The following ATP8A2 variants were observed in gnomAD, a reference collection of about 807,000 sequenced individuals.
The protein encoded by ATP8A2 is phospholipid-transporting ATPase IB.
Under a neutral mutation model 165.6 loss-of-function variants are expected in ATP8A2, and 100 were observed. The observed-to-expected ratio is 0.60, with a 90% CI of 0.51 to 0.71. The LOEUF (loss-of-function observed/expected upper bound fraction) is 0.71. Ranked by LOEUF, ATP8A2 falls within the 30% of genes least tolerant of loss-of-function variation. The pLI, the probability that ATP8A2 is intolerant of heterozygous loss-of-function variation, is 0.00. For missense variants in ATP8A2, 1,227 were observed against 1,479.5 expected (o/e 0.83, Z 2.80); for synonymous variants, 543 against 548.8 (o/e 0.99, Z 0.15).
At chr13:25,479,221 T>C (rs1566167200) in intron 2 of ATP8A2, among the ~76,000 whole-genome samples, 2 of 152,238 alleles carry the variant, frequency 1.3e-5, no homozygotes, top group Admixed American at 1.3e-4. Context: ...TTGTTAGTTA[T>C]TATCTGAAGA....
Position 26,022,840 on chromosome 13 carries a change from C to CA in ATP8A2, c.*2856dup, listed in dbSNP as rs1459919058. 2.0e-5 allele frequency: 3 copies of CA among 152,362 alleles called. No homozygotes were observed. The highest frequency in any genetic ancestry group is 7.2e-5 in the African/African-American group (3 of 41,442). 9.4% of individuals were successfully genotyped at this position (152,362 alleles called of 1,614,324 possible). The stretch of plus-strand genomic sequence containing the variant: ...AGACACTCACTGACTCACGGGCTGG[C>CA]AGGTCACGCTCGGTTAGCGCTCCAG... On this transcript the variant is annotated 3_prime_UTR_variant, in exon 37 of 37. Transcript: ENST00000381655.
chr13:25,570,653 C>T, intron 16 of ATP8A2, 114 bp from the exon 17 acceptor site: 1 of 816,494 alleles, frequency 1.2e-6, no homozygotes, highest in Non-Finnish European at 2.0e-6. Flanking sequence ...GACCTCTACC[C>T]TGTCCTACAG....
At chr13:25,912,005 C>G (rs1313531476) in intron 33 of ATP8A2, among the ~76,000 whole-genome samples, 1 of 152,186 alleles carries the variant, frequency 6.6e-6, no homozygotes, top group East Asian at 1.9e-4. Flanking sequence ...ATCCAACAAT[C>G]CCACTTCTGG....
chr13:25,542,496 A>T (rs967336813), intron 9 of ATP8A2, among the ~76,000 whole-genome samples: 1 of 150,662 alleles, frequency 6.6e-6, no homozygotes, highest in Non-Finnish European at 1.5e-5. Context: ...CCTCCTGTCT[A>T]TATTCTGTTA....
intron 25 of ATP8A2, among the ~76,000 whole-genome samples, chr13:25,735,593 T>C (rs982595156): frequency 2.7e-5 from 4 of 147,956 alleles, no homozygotes; most frequent in Non-Finnish European, 4.5e-5. Context: ...AAAAAAAAAC[T>C]GACAGCAGGA....
At chr13:25,388,293 C>T (rs1347964817) in intron 1 of ATP8A2, among the ~76,000 whole-genome samples, 2 of 152,140 alleles carry the variant, frequency 1.3e-5, no homozygotes, top group Non-Finnish European at 2.9e-5. Context: ...GTTCCCAGTT[C>T]CTGTGGTCAG....
chr13:25,884,739 A>G (rs764440646), intron 33 of ATP8A2, among the ~76,000 whole-genome samples: 1 of 152,178 alleles, frequency 6.6e-6, no homozygotes, highest in African/African-American at 2.4e-5. Flanking sequence ...ATTCGTGAGA[A>G]TGGGGCCCAA....
intron 33 of ATP8A2, among the ~76,000 whole-genome samples, chr13:25,864,575 G>T (rs956339637): frequency 2.6e-5 from 4 of 152,194 alleles, no homozygotes; most frequent in African/African-American, 9.7e-5. Context: ...TTAGTGAGTT[G>T]TTTCTACCAT....
chr13:25,571,689 A>C lies in ATP8A2; in HGVS notation c.1659A>C (p.Glu553Asp), dbSNP rs760405002. The C allele has an allele frequency of 6.2e-7, 1 of 1,613,606 alleles. No individual in the cohort carries two copies. Among genetic ancestry groups the C allele is most frequent in the African/African-American group, 1.3e-5 (1 of 74,938 alleles). Residue 553 changes from glutamate to aspartate, a missense_variant, in exon 18 of 37, where the codon GAA (glutamate) becomes GAC (aspartate). Around this residue, in one of 5 missense-constraint regions of ATP8A2, gnomAD observed 592 missense variants for 785.6 expected, o/e 0.75. Coordinates refer to ENST00000381655, the MANE Select transcript of ATP8A2 (RefSeq NM_016529.6). ...GAACACCATTCTCAGTCATCATAGA[A>C]GCGGTGAGTAACATGCGTGTGCACA... ...TARTPFSVII[E>D]AMGQEQTFGI...
At chr13:25,567,828 T>C (rs1422477020) in intron 16 of ATP8A2, among the ~76,000 whole-genome samples, 1 of 152,142 alleles carries the variant, frequency 6.6e-6, no homozygotes, top group African/African-American at 2.4e-5. Flanking sequence ...TATTTTTCTT[T>C]GGGGAGATGT....
chr13:25,376,025 G>T (rs2032613564), intron 1 of ATP8A2, among the ~76,000 whole-genome samples: 1 of 152,152 alleles, frequency 6.6e-6, no homozygotes, highest in African/African-American at 2.4e-5. Context: ...AGGAGAATCA[G>T]GGCAGCTGAA....
intron 35 of ATP8A2, among the ~76,000 whole-genome samples, chr13:25,978,820 G>C (rs772919179): frequency 1.3e-5 from 2 of 152,050 alleles, no homozygotes; most frequent in Admixed American, 1.3e-4. Context: ...GGCGCCTGTA[G>C]TCCCAGCTAC....
At chr13:25,720,353 G>A (rs1037191558) in intron 25 of ATP8A2, among the ~76,000 whole-genome samples, 5 of 151,452 alleles carry the variant, frequency 3.3e-5, no homozygotes, top group Admixed American at 1.3e-4. Context: ...TAGTAGAGAC[G>A]GGGTTTCACC....
At chr13:25,831,844 A>G (rs1951481717) in intron 28 of ATP8A2, among the ~76,000 whole-genome samples, 1 of 152,112 alleles carries the variant, frequency 6.6e-6, no homozygotes, top group African/African-American at 2.4e-5. Context: ...CTCTGTCTCA[A>G]AAACAACAAT....
intron 33 of ATP8A2, among the ~76,000 whole-genome samples, chr13:25,879,738 G>C (rs1031290885): frequency 6.6e-6 from 1 of 152,190 alleles, no homozygotes; most frequent in Non-Finnish European, 1.5e-5. Context: ...AGCCCCAAAT[G>C]TGTTTTAGGA....
Position 25,837,172 on chromosome 13 carries a change from G to T in ATP8A2, c.2764G>T (p.Ala922Ser). ...ATTGTTCTCCCTGCAGATTTTCACC[G>T]CTTTGCCGCCCTTCACTCTGGGAAT... ...CIGLYNVIFTALPPFTLGIFE... is the reference protein window; with the variant it reads ...CIGLYNVIFTSLPPFTLGIFE... Residue 922 changes from alanine (A) to serine (S), a missense_variant, in exon 29 of 37, where the codon GCT becomes TCT. Physicochemically the swap from Ala to Ser is moderately conservative, Grantham distance 99. This residue lies in a region of ATP8A2 where 592 missense variants were observed against 785.6 expected (regional missense o/e 0.75). Transcript: ENST00000381655. 6.2e-7 allele frequency: 1 copy of T among 1,613,604 alleles called. No homozygotes were observed. Among genetic ancestry groups the T allele is most frequent in the Non-Finnish European group, 8.5e-7 (1 of 1,179,792 alleles).
At chr13:25,671,441 C>T (rs890373765) in intron 24 of ATP8A2, among the ~76,000 whole-genome samples, 1 of 152,196 alleles carries the variant, frequency 6.6e-6, no homozygotes, top group Non-Finnish European at 1.5e-5. Flanking sequence ...CGGAACAGAG[C>T]CATATTTCTC....
intron 1 of ATP8A2, among the ~76,000 whole-genome samples, chr13:25,375,558 T>A (rs773474655): frequency 2.6e-5 from 4 of 151,356 alleles, no homozygotes; most frequent in Non-Finnish European, 4.4e-5. Context: ...ACAGACCAAG[T>A]GCAGAACCCA....
chr13:25,965,830 A>C (rs1476314989), intron 34 of ATP8A2, among the ~76,000 whole-genome samples: 1 of 152,216 alleles, frequency 6.6e-6, no homozygotes. Flanking sequence ...TTATAATCCC[A>C]GATAGGCAGT....
Sources: allele counts gnomAD v4.1 joint callset (sites outside exome capture counted in the v4.1 genomes callset), GRCh38; gene constraint gnomAD v4.1.1; regional missense constraint gnomAD v4.1.1; transcripts MANE v1.5; gene names NCBI Gene and HGNC (gene_info 2026-07-23, HGNC 2026-07-21).